The following SYNE1 variants were observed in gnomAD, a reference collection of about 807,000 sequenced individuals.
The protein encoded by SYNE1 is nesprin-1.
In SYNE1, 616 loss-of-function variants were observed where a neutral mutation model predicts 1,111.0. The observed-to-expected ratio is 0.55, with a 90% CI of 0.52 to 0.59. The LOEUF is 0.59. Ranked by LOEUF, SYNE1 falls within the 20% of genes least tolerant of loss-of-function variation. SYNE1 has a pLI of 0.00. For synonymous variants in SYNE1, 3,855 were observed against 3,825.8 expected (o/e 1.01, Z -0.28); for missense variants, 10,006 against 10,417.0 (o/e 0.96, Z 1.72).
In SYNE1 at chr6:152,565,815, C is replaced by T. The variant is rs185357488; in HGVS notation, c.68-25794G>A. ...TAAGCCTTATTTCCATTTGGAAATC[C>T]AGCTACTCAGTGCCAACTAAGGGGG... On this transcript the variant is annotated intron_variant, in intron 3 of 145. Coordinates refer to ENST00000367255, the MANE Select transcript of SYNE1 (RefSeq NM_182961.4). Among the ~76,000 whole-genome samples the T allele has an allele frequency of 2.3e-4, 35 of 152,154 alleles. No individual in the cohort carries two copies. The East Asian group carries it at 6.4e-3, about 28-fold the overall frequency.
rs938003229 is a variant in SYNE1, at chr6:152,218,285, G to A, written c.22163C>T (p.Thr7388Ile). Residue 7388 changes from threonine (T) to isoleucine (I), a missense_variant, in exon 121 of 146, where the codon ACA (threonine) becomes ATA (isoleucine). This residue lies in a region of SYNE1 where 2,182 missense variants were observed against 2,287.8 expected (regional missense o/e 0.95). Transcript: ENST00000367255. ...QDPSHSSDLS[T>I]IQERMEELKG... is the part of the protein sequence containing the mutation. ...AAGTTCTTCCATCCTTTCCTGGATT[G>A]TGGAGAGGTCAGATGAGTGGCTAGG... The A allele has an allele frequency of 3.7e-6, 6 of 1,613,916 alleles. No individual in the cohort carries two copies. The Admixed American group carries it at 1.0e-4, about 27-fold the overall frequency.
intron 3 of SYNE1, among the ~76,000 whole-genome samples, chr6:152,551,528 A>C (rs2099346840): frequency 6.6e-6 from 1 of 152,192 alleles, no homozygotes; most frequent in Admixed American, 6.5e-5. Flanking sequence ...GGTCCCTGAG[A>C]GTCCATCAGG....
At chr6:152,495,445 G>T (rs1262717833) in intron 11 of SYNE1, among the ~76,000 whole-genome samples, 1 of 152,194 alleles carries the variant, frequency 6.6e-6, no homozygotes. Context: ...CCTAGTGTTA[G>T]ATATGAGTTC....
chr6:152,445,194 C>T (rs2098570538), intron 29 of SYNE1, among the ~76,000 whole-genome samples: 1 of 151,422 alleles, frequency 6.6e-6, no homozygotes, highest in Admixed American at 6.6e-5. Context: ...TGACTAAAAC[C>T]TAATTATAAA....
At chr6:152,427,348 A>G (rs2098375305) in intron 38 of SYNE1, among the ~76,000 whole-genome samples, 1 of 152,212 alleles carries the variant, frequency 6.6e-6, no homozygotes, top group Non-Finnish European at 1.5e-5. Context: ...TTCCAGCCTC[A>G]GAAATTATGA....
At chr6:152,277,385 CTCCTG>C (rs1310067992) in intron 98 of SYNE1, 1 of 143,726 alleles carries the variant, frequency 7.0e-6, no homozygotes, top group African/African-American at 2.6e-5. Context: ...TCAAGCAATT[CTCCTG>C]CCTCAGCCTC....
intron 92 of SYNE1, among the ~76,000 whole-genome samples, chr6:152,301,391 C>T (rs1468985089): frequency 6.6e-6 from 1 of 152,132 alleles, no homozygotes; most frequent in Non-Finnish European, 1.5e-5. Flanking sequence ...AAGCTTTAGA[C>T]GGTCTGTTTT....
At chr6:152,317,998 T>C in intron 86 of SYNE1, 83 bp downstream of exon 86, 7 of 1,543,222 alleles carry the variant, frequency 4.5e-6, no homozygotes, top group African/African-American at 1.4e-5. Context: ...TTTTTATTTA[T>C]GTTAATTTAT....
intron 81 of SYNE1, among the ~76,000 whole-genome samples, chr6:152,324,324 AG>A (rs1400706514): frequency 6.6e-6 from 1 of 151,756 alleles, no homozygotes; most frequent in East Asian, 2.0e-4. Context: ...GCTTGAACCC[AG>A]GGGGTGGAGG....
At chr6:152,230,036 A>T (rs1588291452) in intron 115 of SYNE1, among the ~76,000 whole-genome samples, 1 of 150,546 alleles carries the variant, frequency 6.6e-6, no homozygotes, top group Non-Finnish European at 1.5e-5. Context: ...AATTTAGGCA[A>T]TTTTTTTTTT....
chr6:152,349,038 A>G (rs1205299725), intron 72 of SYNE1, among the ~76,000 whole-genome samples: 1 of 152,164 alleles, frequency 6.6e-6, no homozygotes, highest in Non-Finnish European at 1.5e-5. Flanking sequence ...CTACTTTTTT[A>G]TTCATATTTG....
intron 22 of SYNE1, among the ~76,000 whole-genome samples, chr6:152,456,468 T>G (rs1226833021): frequency 2.0e-5 from 3 of 150,692 alleles, no homozygotes; most frequent in African/African-American, 7.4e-5. Context: ...CAATGCACAT[T>G]CACTTTGCTG....
intron 6 of SYNE1, chr6:152,511,493 G>T: frequency 7.4e-7 from 1 of 1,358,592 alleles, no homozygotes; most frequent in Non-Finnish European, 1.1e-6. Context: ...TTTGAAGTTT[G>T]TTACCAAATA....
At chr6:152,215,084 G>T in intron 121 of SYNE1, 24 bp from the exon 122 acceptor site, 1 of 1,613,478 alleles carries the variant, frequency 6.2e-7, no homozygotes, top group South Asian at 1.1e-5. Context: ...TTAAAAGTAG[G>T]TTTAGCACCA....
chr6:152,428,124 C>A (rs1428907986), intron 37 of SYNE1, 81 bp downstream of exon 37: 1 of 1,565,610 alleles, frequency 6.4e-7, no homozygotes, highest in African/African-American at 1.3e-5. Flanking sequence ...TCTGGGATAA[C>A]TACTCCCCAT....
chr6:152,261,987 T>C, intron 101 of SYNE1, 45 bp downstream of exon 101: 1 of 1,506,054 alleles, frequency 6.6e-7, no homozygotes, highest in South Asian at 1.2e-5. Flanking sequence ...GCATAAACTC[T>C]ACATCTTTTA....
In SYNE1 at chr6:152,284,213, C is replaced by T. The variant is rs750230337; in HGVS notation, c.18013-41G>A. 53 of 1,601,858 alleles carry T rather than the reference C, an allele frequency of 3.3e-5. No individual in the cohort carries two copies. In the Admixed American group the frequency reaches 8.9e-4, roughly 27 times the overall value. ...TGGAATCACACTCATGTATTCATTT[C>T]TTCACTGAGGGATCATTAGCACTAG... On this transcript the variant is annotated intron_variant, in intron 95 of 145. Coordinates refer to ENST00000367255, the MANE Select transcript of SYNE1 (RefSeq NM_182961.4).
At chr6:152,222,813 C>T (rs974582182) in intron 117 of SYNE1, among the ~76,000 whole-genome samples, 2 of 152,084 alleles carry the variant, frequency 1.3e-5, no homozygotes, top group Non-Finnish European at 2.9e-5. Flanking sequence ...TAGTGATCCA[C>T]CGTACAGAAT....
intron 53 of SYNE1, among the ~76,000 whole-genome samples, chr6:152,389,762 G>A (rs112403475): frequency 1.9e-4 from 29 of 152,272 alleles, no homozygotes; most frequent in African/African-American, 7.0e-4. Context: ...CACTTTGTAG[G>A]ATATGAGCTC....
Sources: allele counts gnomAD v4.1 joint callset (sites outside exome capture counted in the v4.1 genomes callset), GRCh38; gene constraint gnomAD v4.1.1; regional missense constraint gnomAD v4.1.1; transcripts MANE v1.5; gene names NCBI Gene and HGNC (gene_info 2026-07-23, HGNC 2026-07-21).